Variants in LRRC4C observed in about 807,000 individuals in gnomAD.
LRRC4C encodes leucine rich repeat containing 4C, also known as leucine-rich repeat-containing protein 4C.
A neutral mutation model predicts 33.6 loss-of-function variants in LRRC4C; 5 were observed. The observed-to-expected ratio is 0.15, with a 90% CI of 0.08 to 0.31. LRRC4C has a LOEUF of 0.31. LRRC4C is among the 10% of genes least tolerant of loss of function. LRRC4C has a pLI of 1.00. For missense variants in LRRC4C, 560 were observed against 796.7 expected (o/e 0.70, Z 3.58); for synonymous variants, 329 against 302.0 (o/e 1.09, Z -0.93).
intron 1 of LRRC4C, among the ~76,000 whole-genome samples, chr11:40,951,310 C>T (rs762940186): frequency 1.3e-5 from 2 of 151,954 alleles, no homozygotes; most frequent in Non-Finnish European, 2.9e-5. Context: ...GATATATCAT[C>T]TAAAATGAGA....
intron 1 of LRRC4C, among the ~76,000 whole-genome samples, chr11:41,163,284 G>GTTTTTTGTTTTTTTT (rs1944557035): frequency 1.4e-5 from 1 of 73,382 alleles, no homozygotes; most frequent in African/African-American, 5.0e-5. Flanking sequence ...TACTGTAACT[G>GTTTTTTGTTTTTTTT]TTTTTTTTTT....
intron 4 of LRRC4C, 133 bp from the exon 5 acceptor site, chr11:40,241,731 G>T (rs975995757): frequency 2.6e-5 from 4 of 152,164 alleles, no homozygotes; most frequent in Non-Finnish European, 4.4e-5. Flanking sequence ...AAGATGAAAA[G>T]ATTTTTAAAT....
chr11:40,385,457 CAT>C (rs945471138), intron 3 of LRRC4C, among the ~76,000 whole-genome samples: 1 of 152,116 alleles, frequency 6.6e-6, no homozygotes, highest in Non-Finnish European at 1.5e-5. Flanking sequence ...ACAAATACCA[CAT>C]GTTCTCACTT....
At chr11:41,062,085 T>G (rs533190407) in intron 1 of LRRC4C, among the ~76,000 whole-genome samples, 1 of 152,350 alleles carries the variant, frequency 6.6e-6, no homozygotes, top group South Asian at 2.1e-4. Flanking sequence ...GAAAATTTAA[T>G]GAAATAAAGT....
chr11:40,771,261 G>A (rs1949743852), intron 2 of LRRC4C, among the ~76,000 whole-genome samples: 1 of 152,114 alleles, frequency 6.6e-6, no homozygotes, highest in Admixed American at 6.5e-5. Flanking sequence ...CCAAGGCTTG[G>A]GGCTTGCACC....
chr11:41,029,161 C>T (rs142955355), intron 1 of LRRC4C, among the ~76,000 whole-genome samples: 2 of 151,808 alleles, frequency 1.3e-5, no homozygotes, highest in African/African-American at 4.8e-5. Context: ...GACTACATTA[C>T]GATTGAATAG....
At chr11:40,707,561 A>C (rs1946231779) in intron 2 of LRRC4C, among the ~76,000 whole-genome samples, 1 of 152,182 alleles carries the variant, frequency 6.6e-6, no homozygotes, top group South Asian at 2.1e-4. Context: ...GGATGAAGCC[A>C]ACTTGACCTT....
chr11:40,638,776 T>G (rs950687332), intron 3 of LRRC4C, among the ~76,000 whole-genome samples: 27 of 151,692 alleles, frequency 1.8e-4, no homozygotes, highest in Middle Eastern at 3.4e-3. Flanking sequence ...TCGAGTTTTT[T>G]TTTTTTTTTT....
intron 1 of LRRC4C, among the ~76,000 whole-genome samples, chr11:41,109,579 C>T (rs1231705128): frequency 2.6e-5 from 4 of 151,952 alleles, no homozygotes; most frequent in African/African-American, 4.8e-5. Context: ...CCTTCTTTAC[C>T]GTCTCTAAAT....
At chr11:40,193,737 A>T (rs1862032842) in intron 5 of LRRC4C, among the ~76,000 whole-genome samples, 3 of 152,136 alleles carry the variant, frequency 2.0e-5, no homozygotes, top group Non-Finnish European at 4.4e-5. Flanking sequence ...GCTAACTAGA[A>T]TAACCAGTTT....
At chr11:41,100,919 C>A (rs980702652) in intron 1 of LRRC4C, among the ~76,000 whole-genome samples, 1 of 152,102 alleles carries the variant, frequency 6.6e-6, no homozygotes, top group African/African-American at 2.4e-5. Context: ...TTTGACAAAG[C>A]TGACAGAAAC....
At chr11:40,582,510 TCA>T (rs199855953) in intron 3 of LRRC4C, among the ~76,000 whole-genome samples, 14,116 of 138,830 alleles carry the variant, frequency 0.1, 714 homozygotes, top group Admixed American at 0.16. Context: ...TCTCCCTTGT[TCA>T]GTTTTTTTTT....
rs1296935940 is a variant in LRRC4C, at chr11:41,093,283, T to G, written c.-495-159560A>C. Among the ~76,000 whole-genome samples, 3 of 152,226 alleles carry G rather than the reference T, an allele frequency of 2.0e-5. No homozygotes were observed. In the South Asian group the frequency reaches 6.2e-4, roughly 32 times the overall value. On this transcript the variant is annotated intron_variant, in intron 1 of 6. Coordinates refer to ENST00000528697, the MANE Select transcript of LRRC4C (RefSeq NM_001258419.2). ...AGGCAAGTCTAATACTTACACTGAT[T>G]GTTCATCAGCAGCATGTCTGAATAT... is the stretch of plus-strand genomic sequence containing the variant.
intron 2 of LRRC4C, among the ~76,000 whole-genome samples, chr11:40,665,944 T>C (rs1412897367): frequency 6.6e-6 from 1 of 152,134 alleles, no homozygotes; most frequent in Non-Finnish European, 1.5e-5. Context: ...TAAGTGTTAT[T>C]TATATATGTG....
intron 2 of LRRC4C, among the ~76,000 whole-genome samples, chr11:40,669,065 C>A (rs1238643742): frequency 6.6e-6 from 1 of 152,120 alleles, no homozygotes; most frequent in Non-Finnish European, 1.5e-5. Context: ...TTCTGGGTAG[C>A]CCTCGTTTCA....
At chr11:41,131,315 A>G (rs757284975) in intron 1 of LRRC4C, among the ~76,000 whole-genome samples, 6 of 151,992 alleles carry the variant, frequency 3.9e-5, no homozygotes, top group Non-Finnish European at 8.8e-5. Context: ...CTCTCCATTC[A>G]TCCCATTCAA....
chr11:41,276,356 T>G (rs1949485135), intron 1 of LRRC4C, among the ~76,000 whole-genome samples: 1 of 152,170 alleles, frequency 6.6e-6, no homozygotes, highest in South Asian at 2.1e-4. Context: ...ATGCCCATCC[T>G]GTTTTTACCA....
intron 1 of LRRC4C, among the ~76,000 whole-genome samples, chr11:41,010,363 A>G (rs916960458): frequency 6.6e-6 from 1 of 152,136 alleles, no homozygotes; most frequent in African/African-American, 2.4e-5. Context: ...TCTTGCTTTC[A>G]TAATTCGCGT....
chr11:40,840,020 A>G (rs541400562), intron 2 of LRRC4C, among the ~76,000 whole-genome samples: 58 of 152,272 alleles, frequency 3.8e-4, no homozygotes, highest in Non-Finnish European at 7.8e-4. Context: ...AGAAAATGGA[A>G]ATATTATTCT....
Sources: allele counts gnomAD v4.1 joint callset (sites outside exome capture counted in the v4.1 genomes callset), GRCh38; gene constraint gnomAD v4.1.1; transcripts MANE v1.5; gene names NCBI Gene and HGNC (gene_info 2026-07-23, HGNC 2026-07-21).